Variants in ONECUT1 observed in about 807,000 individuals in gnomAD.
ONECUT1 encodes the protein hepatocyte nuclear factor 6.
In ONECUT1, 12 loss-of-function variants were observed where a neutral mutation model predicts 25.6. The observed-to-expected ratio is 0.47, with a 90% CI of 0.30 to 0.76. ONECUT1 has a LOEUF of 0.76. Among genes scored for constraint, ONECUT1 ranks in the 30% least tolerant of loss-of-function variants. The pLI is 0.07. For missense variants in ONECUT1, 620 were observed against 651.2 expected (o/e 0.95, Z 0.52); for synonymous variants, 285 against 270.2 (o/e 1.05, Z -0.54).
In ONECUT1 at chr15:52,789,949, G is replaced by T. The variant is rs1320295884; in HGVS notation, c.-65C>A. The T allele has an allele frequency of 1.4e-6, 2 of 1,463,938 alleles. No individual in the cohort carries two copies. The highest frequency in any genetic ancestry group is 9.0e-7 in the Non-Finnish European group (1 of 1,116,452). 90.7% of individuals were successfully genotyped at this position (1,463,938 alleles called of 1,614,324 possible). On this transcript the variant is annotated 5_prime_UTR_variant, in exon 1 of 2. Transcript: ENST00000305901. The surrounding 1 kb of genome is among the most constrained non-coding windows in gnomAD (Gnocchi z 4.1). Reference sequence around the variant, plus strand: ...TGGCCAGGCAGAGGCGGCGAGGGGCGCACGGAGTCCGGTCTTCACATCGGC... The same window carrying T: ...TGGCCAGGCAGAGGCGGCGAGGGGCTCACGGAGTCCGGTCTTCACATCGGC...
At position 52,789,855 on chromosome 15, in the gene ONECUT1, G is replaced by T; in HGVS notation, c.30C>A (p.Ile10=). The T allele has an allele frequency of 6.5e-7, 1 of 1,542,910 alleles. No homozygotes were observed. The highest frequency in any genetic ancestry group is 1.2e-5 in the South Asian group (1 of 85,458). The part of the protein sequence containing the change: MNAQLTMEA[I]GELHGVSHEP... ...CATGGCTCACCCCGTGCAGCTCGCCGATCGCTTCCATGGTCAGCTGCGCGT... is the reference window on the plus strand; with the variant it reads ...CATGGCTCACCCCGTGCAGCTCGCCTATCGCTTCCATGGTCAGCTGCGCGT... The change falls in exon 1 of 2, where the codon ATC becomes ATA. Residue 10 remains isoleucine, a synonymous_variant. Transcript: ENST00000305901. The surrounding 1 kb of genome is among the most constrained non-coding windows in gnomAD (Gnocchi z 4.1).
At position 52,784,370 on chromosome 15, in the gene ONECUT1, G is replaced by A. The variant is rs2083860427; in HGVS notation, c.1105+4410C>T. On this transcript the variant is annotated intron_variant, in intron 1 of 1. Transcript: ENST00000305901. This position sits in a 1 kb window ranked among gnomAD's most constrained non-coding sequence, Gnocchi z 5.0. ...CGGGATCCCTCTCCGGATGCTTCCAGGGCGATAGGTGCTGCACCCATTGAC... is the reference window on the plus strand; with the variant it reads ...CGGGATCCCTCTCCGGATGCTTCCAAGGCGATAGGTGCTGCACCCATTGAC... 6.6e-6 allele frequency among the ~76,000 whole-genome samples: 1 copy of A among 152,246 alleles called. No individual in the cohort carries two copies.
chr15:52,783,523 C>T lies in ONECUT1; in HGVS notation c.1105+5257G>A, dbSNP rs1414966910. 3.9e-5 allele frequency among the ~76,000 whole-genome samples: 6 copies of T among 152,240 alleles called. No homozygotes were observed. In the South Asian group the frequency reaches 1.2e-3, roughly 31 times the overall value. ...GACCCTGTCCAGGGTCCTGACTCCG[C>T]GCCAGGGCTCCAGACCAGTCGGCCT... On this transcript the variant is annotated intron_variant, in intron 1 of 1. Transcript: ENST00000305901.
chr15:52,766,406 C>T (rs1235387267), intron 1 of ONECUT1, among the ~76,000 whole-genome samples: 1 of 152,090 alleles, frequency 6.6e-6, no homozygotes, highest in Non-Finnish European at 1.5e-5. Context: ...GGGGCAAGAG[C>T]TGAGGGAACG....
chr15:52,773,507 C>T (rs995838323), intron 1 of ONECUT1, among the ~76,000 whole-genome samples: 1 of 152,160 alleles, frequency 6.6e-6, no homozygotes, highest in Non-Finnish European at 1.5e-5. Context: ...GTATATGTAT[C>T]TGTTTCCTGG....
chr15:52,788,427 A>C lies in ONECUT1; in HGVS notation c.1105+353T>G. The C allele has an allele frequency of 4.0e-6, 1 of 248,584 alleles. No individual in the cohort carries two copies. Among genetic ancestry groups the C allele is most frequent in the South Asian group, 1.3e-4 (1 of 7,550 alleles). 15.4% of individuals were successfully genotyped at this position (248,584 alleles called of 1,614,324 possible). A position where few individuals can be genotyped will look rare whatever the true frequency, so the allele number is the denominator to read the frequency against. Reference sequence around the variant, plus strand: ...GTTGCATCCCTCTTCCCAAACCCGGATCGCTGAACTGAGAGGTGGCGCAGA... The same window carrying C: ...GTTGCATCCCTCTTCCCAAACCCGGCTCGCTGAACTGAGAGGTGGCGCAGA... On this transcript the variant is annotated intron_variant, in intron 1 of 1. Coordinates refer to ENST00000305901, the MANE Select transcript of ONECUT1 (RefSeq NM_004498.4). This position sits in a 1 kb window ranked among gnomAD's most constrained non-coding sequence, Gnocchi z 4.3.
intron 1 of ONECUT1, among the ~76,000 whole-genome samples, chr15:52,768,488 T>G (rs969369831): frequency 6.6e-6 from 1 of 152,108 alleles, no homozygotes; most frequent in African/African-American, 2.4e-5. Context: ...ATAATTGGAG[T>G]GATATAGATG....
intron 1 of ONECUT1, among the ~76,000 whole-genome samples, chr15:52,782,100 C>T (rs1025134531): frequency 1.3e-5 from 2 of 152,172 alleles, no homozygotes; most frequent in Admixed American, 1.3e-4. Flanking sequence ...GTTTTTTACA[C>T]ACGTAAACAT....
intron 1 of ONECUT1, among the ~76,000 whole-genome samples, chr15:52,786,153 T>C (rs1352040200): frequency 6.6e-6 from 1 of 152,236 alleles, no homozygotes; most frequent in Non-Finnish European, 1.5e-5. Context: ...CTGCAATCCA[T>C]TTTAAGGCTC....
At chr15:52,767,430 A>G (rs1269164424) in intron 1 of ONECUT1, among the ~76,000 whole-genome samples, 3 of 152,148 alleles carry the variant, frequency 2.0e-5, no homozygotes, top group Non-Finnish European at 4.4e-5. Context: ...TCTCGTTGAA[A>G]GAATGCATTT....
chr15:52,769,344 T>C (rs1191142824), intron 1 of ONECUT1, among the ~76,000 whole-genome samples: 1 of 152,190 alleles, frequency 6.6e-6, no homozygotes, highest in Non-Finnish European at 1.5e-5. Context: ...TGTGGCTCCA[T>C]AGAAAATAGA....
At chr15:52,787,677 C>T (rs1308394461) in intron 1 of ONECUT1, 1 of 152,118 alleles carries the variant, frequency 6.6e-6, no homozygotes, top group African/African-American at 2.4e-5. Context: ...AGGAGTCAAT[C>T]AACTTGGCAA....
rs1728560796 is a variant in ONECUT1, at chr15:52,756,941, A to G, written c.*614T>C. 6.6e-6 allele frequency: 1 copy of G among 152,200 alleles called. No individual in the cohort carries two copies. Among genetic ancestry groups the G allele is most frequent in the Non-Finnish European group, 1.5e-5 (1 of 68,048 alleles). The allele number at this position is 152,200 out of a possible 1,614,324, so 9.4% of individuals were successfully genotyped here. Reference sequence around the variant, plus strand: ...ATATCTGAACATTCCTTAACAAACAAAGAGAATGCACTGGTTTAGGTGTCA... The same window carrying G: ...ATATCTGAACATTCCTTAACAAACAGAGAGAATGCACTGGTTTAGGTGTCA... On this transcript the variant is annotated 3_prime_UTR_variant, in exon 2 of 2. Coordinates refer to ENST00000305901, the MANE Select transcript of ONECUT1 (RefSeq NM_004498.4).
intron 1 of ONECUT1, among the ~76,000 whole-genome samples, chr15:52,759,964 G>T (rs1337495507): frequency 6.6e-6 from 1 of 152,178 alleles, no homozygotes; most frequent in Non-Finnish European, 1.5e-5. Flanking sequence ...TTCTAGAGAT[G>T]CATCTGCTTG....
At chr15:52,780,636 G>C (rs1265420383) in intron 1 of ONECUT1, 7 of 1,535,168 alleles carry the variant, frequency 4.6e-6, no homozygotes, top group African/African-American at 1.4e-5. Context: ...TACTCGAATC[G>C]CTTTAGCCAC....
At position 52,789,572 on chromosome 15, in the gene ONECUT1, T is replaced by C. The variant is rs2083904204; in HGVS notation, c.313A>G (p.Thr105Ala). 6.3e-7 allele frequency: 1 copy of C among 1,582,756 alleles called. No homozygotes were observed. The highest frequency in any genetic ancestry group is 1.7e-5 in the Admixed American group (1 of 58,040). The change falls in exon 1 of 2, where the codon ACC becomes GCC. Residue 105 changes from threonine to alanine, a missense_variant. By Grantham distance (58) the Thr-to-Ala change is moderately conservative. Coordinates refer to ENST00000305901, the MANE Select transcript of ONECUT1 (RefSeq NM_004498.4). The surrounding 1 kb of genome is among the most constrained non-coding windows in gnomAD (Gnocchi z 4.1). Reference sequence around the variant, plus strand: ...GGCAGCGGCTGCAGAGGGGTCAAGGTGGTGTAGGTGGTGGGCATGCTCATA... The same window carrying C: ...GGCAGCGGCTGCAGAGGGGTCAAGGCGGTGTAGGTGGTGGGCATGCTCATA... The part of the protein sequence containing the change: ...PGMSMPTTYT[T>A]LTPLQPLPPI...
Position 52,790,102 on chromosome 15 carries a change from AC to A in ONECUT1, c.-219del. On this transcript the variant is annotated 5_prime_UTR_variant, in exon 1 of 2. Transcript: ENST00000305901. The stretch of plus-strand genomic sequence containing the variant: ...GTGTGTGTGTCTCGCCTTCCCTCTT[AC>A]CCCCCACCTTCCCCTCTGCGTCCTC... The A allele has an allele frequency of 3.8e-6, 2 of 521,276 alleles. No individual in the cohort carries two copies. The highest frequency in any genetic ancestry group is 5.5e-6 in the Non-Finnish European group (2 of 362,388). The allele number at this position is 521,276 out of a possible 1,614,324, so 32.3% of individuals were successfully genotyped here.
chr15:52,759,398 C>G (rs907020551), intron 1 of ONECUT1, among the ~76,000 whole-genome samples: 7 of 152,160 alleles, frequency 4.6e-5, no homozygotes, highest in African/African-American at 1.7e-4. Context: ...AGCTCAGCAA[C>G]AGATCAGCTG....
chr15:52,768,067 G>C (rs1161614448), intron 1 of ONECUT1, among the ~76,000 whole-genome samples: 1 of 152,152 alleles, frequency 6.6e-6, no homozygotes, highest in Non-Finnish European at 1.5e-5. Flanking sequence ...ATAAAGAGGG[G>C]ATGCTTAATG....
Sources: allele counts gnomAD v4.1 joint callset (sites outside exome capture counted in the v4.1 genomes callset), GRCh38; gene constraint gnomAD v4.1.1; non-coding constraint Gnocchi (gnomAD v3.1); transcripts MANE v1.5; gene names NCBI Gene and HGNC (gene_info 2026-07-23, HGNC 2026-07-21).